ZNF106: variants seen among roughly 807,000 people sequenced by gnomAD.
ZNF106 encodes the protein zinc finger protein 106.
A neutral mutation model predicts 195.1 loss-of-function variants in ZNF106; 67 were observed. That is an observed-to-expected ratio of 0.34 (90% CI 0.28 to 0.42). The LOEUF (loss-of-function observed/expected upper bound fraction) is 0.42, where lower values mean the gene tolerates loss of function less well. ZNF106 is among the 10% of genes least tolerant of loss of function. The probability of loss-of-function intolerance (pLI) is 1.00; values close to 1 mark genes in which losing one functional copy is unlikely to be tolerated. For synonymous variants in ZNF106, 784 were observed against 818.6 expected (o/e 0.96, Z 0.72); for missense variants, 2,118 against 2,304.5 (o/e 0.92, Z 1.66).
Position 42,448,433 on chromosome 15 carries a change from T to C in ZNF106, c.2774A>G (p.Gln925Arg), listed in dbSNP as rs1282150441. Residue 925 changes from glutamine (Q) to arginine (R), a missense_variant, in exon 6 of 22, where the codon CAG (glutamine) becomes CGG (arginine). Gln to Arg is a conservative substitution (Grantham distance 43). Coordinates refer to ENST00000564754, the MANE Select transcript of ZNF106 (RefSeq NM_001366845.3). The stretch of plus-strand genomic sequence containing the variant: ...GAGGTGCATGGTTGCTTTCTGGCTC[T>C]GTCCAGCCCTCAATGAGTTACTAGG... ...VSPSNSLRAG[Q>R]SQKATMHLKQ... The C allele has an allele frequency of 8.1e-6, 13 of 1,614,202 alleles. No individual in the cohort carries two copies. Among genetic ancestry groups the C allele is most frequent in the Non-Finnish European group, 1.0e-5 (12 of 1,180,036 alleles).
chr15:42,464,114 G>A (rs1370080716), intron 3 of ZNF106, among the ~76,000 whole-genome samples: 2 of 147,686 alleles, frequency 1.4e-5, no homozygotes, highest in Non-Finnish European at 3.1e-5. Context: ...GGCCGAGGCG[G>A]GCAGATCACA....
chr15:42,476,021 G>A (rs764757168), intron 1 of ZNF106, among the ~76,000 whole-genome samples: 1 of 152,022 alleles, frequency 6.6e-6, no homozygotes, highest in African/African-American at 2.4e-5. Context: ...AAAAAATAAA[G>A]CCATACAATA....
chr15:42,466,722 C>T (rs2056525424), intron 2 of ZNF106, among the ~76,000 whole-genome samples: 1 of 152,180 alleles, frequency 6.6e-6, no homozygotes, highest in Non-Finnish European at 1.5e-5. Context: ...CTTCACTGTC[C>T]ACTCCCTCAC....
chr15:42,426,773 A>T (rs1261970691), intron 15 of ZNF106, among the ~76,000 whole-genome samples: 2 of 152,128 alleles, frequency 1.3e-5, no homozygotes, highest in Admixed American at 6.5e-5. Context: ...TTAGCCTTTA[A>T]AATATTTTAA....
At chr15:42,434,834 C>T (rs2055212933) in intron 14 of ZNF106, among the ~76,000 whole-genome samples, 2 of 149,700 alleles carry the variant, frequency 1.3e-5, no homozygotes, top group Non-Finnish European at 2.9e-5. Flanking sequence ...AGTGCAGTGG[C>T]ACAATCTCGG....
rs1049505556 is a variant in ZNF106 at position 42,414,446 on chromosome 15, A to G, written c.*2858T>C. The G allele has an allele frequency of 2.0e-5, 3 of 152,264 alleles. No individual in the cohort carries two copies. Among genetic ancestry groups the G allele is most frequent in the Non-Finnish European group, 4.4e-5 (3 of 68,054 alleles). The allele number at this position is 152,264 out of a possible 1,614,324, so 9.4% of individuals were successfully genotyped here. A position where few individuals can be genotyped will look rare whatever the true frequency, so the allele number is the denominator to read the frequency against. On this transcript the variant is annotated 3_prime_UTR_variant, in exon 22 of 22. Transcript: ENST00000564754. ...ACAAAGGCATACTGCCACTGCTTCA[A>G]AAAAAGCCTTTGTGAAATGAAGAAA...
At chr15:42,447,559 G>A (rs1009343179) in intron 6 of ZNF106, among the ~76,000 whole-genome samples, 6 of 152,226 alleles carry the variant, frequency 3.9e-5, no homozygotes, top group African/African-American at 1.4e-4. Flanking sequence ...TTAAAGGCCA[G>A]GGTGGGTAAC....
intron 1 of ZNF106, among the ~76,000 whole-genome samples, chr15:42,476,863 T>C (rs2056796456): frequency 6.6e-6 from 1 of 152,086 alleles, no homozygotes; most frequent in East Asian, 1.9e-4. Flanking sequence ...ATTTCCTTAA[T>C]AATAATATCT....
At chr15:42,464,232 C>G (rs2056460419) in intron 3 of ZNF106, among the ~76,000 whole-genome samples, 1 of 147,338 alleles carries the variant, frequency 6.8e-6, no homozygotes, top group Non-Finnish European at 1.5e-5. Context: ...CCCAGCTACT[C>G]AGGAGGGTGA....
chr15:42,474,409 TG>T (rs2056744822), intron 1 of ZNF106, among the ~76,000 whole-genome samples: 1 of 152,218 alleles, frequency 6.6e-6, no homozygotes, highest in African/African-American at 2.4e-5. Context: ...TTATTCCAAA[TG>T]GAACTATCCA....
At chr15:42,445,048 G>A in intron 7 of ZNF106, 67 bp from the exon 8 acceptor site, 4 of 1,568,074 alleles carry the variant, frequency 2.6e-6, no homozygotes, top group Non-Finnish European at 2.6e-6. Context: ...CAGCTCAGAA[G>A]ACTAAACTAT....
At chr15:42,452,073 T>C in intron 4 of ZNF106, 119 bp from the exon 5 acceptor site, 2 of 1,103,024 alleles carry the variant, frequency 1.8e-6, no homozygotes, top group Admixed American at 2.4e-5. Flanking sequence ...TGTAACCGAG[T>C]CTGGTTTTAT....
At chr15:42,486,102 C>A (rs560789977) in intron 1 of ZNF106, among the ~76,000 whole-genome samples, 1 of 151,484 alleles carries the variant, frequency 6.6e-6, no homozygotes, top group Non-Finnish European at 1.5e-5. Flanking sequence ...GGACTACAGG[C>A]GCATGTACCA....
At position 42,414,004 on chromosome 15, in the gene ZNF106, C is replaced by T. The variant is rs1309844294; in HGVS notation, c.*3300G>A. ...CCATTTAAACACTAGCATAGGTACA[C>T]AAAAAGATTTATACTATGGTTTTCT... On this transcript the variant is annotated 3_prime_UTR_variant, in exon 22 of 22. Coordinates refer to ENST00000564754, the MANE Select transcript of ZNF106 (RefSeq NM_001366845.3). The T allele has an allele frequency of 6.6e-6, 1 of 152,204 alleles. No individual in the cohort carries two copies. The highest frequency in any genetic ancestry group is 1.9e-4 in the East Asian group (1 of 5,196). 9.4% of individuals were successfully genotyped at this position (152,204 alleles called of 1,614,324 possible).
At chr15:42,444,343 C>T in intron 8 of ZNF106, 81 bp from the exon 9 acceptor site, 1 of 1,125,614 alleles carries the variant, frequency 8.9e-7, no homozygotes, top group Non-Finnish European at 1.3e-6. Flanking sequence ...CTTCTATGTC[C>T]TGACCAAAAA....
intron 1 of ZNF106, among the ~76,000 whole-genome samples, chr15:42,478,700 C>T (rs1472393256): frequency 2.0e-5 from 3 of 151,448 alleles, no homozygotes; most frequent in South Asian, 2.1e-4. Flanking sequence ...TTAGTAGAGA[C>T]GGGGTTTCAC....
chr15:42,446,537 A>G (rs1213146787), intron 7 of ZNF106, 52 bp downstream of exon 7: 1 of 1,516,206 alleles, frequency 6.6e-7, no homozygotes, highest in Non-Finnish European at 9.0e-7. Flanking sequence ...GCACCCCCCA[A>G]AAAAAACCAA....
Position 42,448,106 on chromosome 15 carries a change from C to T in ZNF106, c.3101G>A (p.Gly1034Asp). The part of the protein sequence containing the change: ...SCTSGAEQND[G>D]QSIRKKRRAT... ...TCTTCGTTTCTTTCTAATACTTTGG[C>T]CATCATTTTGTTCAGCACCAGAGGT... The change falls in exon 6 of 22, where the codon GGC becomes GAC. Residue 1034 changes from glycine to aspartate, a missense_variant. Transcript: ENST00000564754. 1 of 1,613,714 alleles carries T rather than the reference C, an allele frequency of 6.2e-7. No homozygotes were observed. Among genetic ancestry groups the T allele is most frequent in the South Asian group, 1.1e-5 (1 of 91,052 alleles).
intron 1 of ZNF106, among the ~76,000 whole-genome samples, chr15:42,484,641 C>A (rs989899355): frequency 6.6e-6 from 1 of 152,148 alleles, no homozygotes; most frequent in Non-Finnish European, 1.5e-5. Context: ...AGGAAGCTTA[C>A]GCACGAGAAT....
Sources: gnomAD v4.1 joint callset for allele counts (sites outside exome capture counted in the v4.1 genomes callset) on GRCh38, gnomAD v4.1.1 for gene constraint, MANE v1.5 for transcripts, NCBI Gene and HGNC (gene_info 2026-07-23, HGNC 2026-07-21) for gene names.